DNAJC10: variants seen among roughly 807,000 people sequenced by gnomAD.
The protein encoded by DNAJC10 is endoplasmic reticulum disulfide reductase DNAJC10.
DNAJC10 carries 101 observed loss-of-function variants against 115.0 expected under a neutral mutation model. The observed-to-expected ratio is 0.88, with a 90% CI of 0.75 to 1.04. DNAJC10 has a LOEUF of 1.04. Among genes scored for constraint, DNAJC10 ranks in the 50% least tolerant of loss-of-function variants. DNAJC10 has a pLI of 0.00. For missense variants in DNAJC10, 981 were observed against 928.8 expected (o/e 1.06, Z -0.73); for synonymous variants, 307 against 301.5 (o/e 1.02, Z -0.19).
intron 22 of DNAJC10, among the ~76,000 whole-genome samples, chr2:182,764,654 GC>G (rs970649615): frequency 3.3e-5 from 5 of 152,048 alleles, no homozygotes; most frequent in African/African-American, 1.2e-4. Flanking sequence ...GGAACACCTT[GC>G]CGAAACAAAA....
In DNAJC10 at chr2:182,738,547, G is replaced by GT. The variant is rs576492819; in HGVS notation, c.988-1741dup. On this transcript the variant is annotated intron_variant, in intron 11 of 23. Transcript: ENST00000264065. ...CCCAAAAGCAGTCAGGTTTTTTTTGGTTTTTTTTTTTGAGACGGAGTCTTG... is the reference window on the plus strand; with the variant it reads ...CCCAAAAGCAGTCAGGTTTTTTTTGGTTTTTTTTTTTTGAGACGGAGTCTTG... 9.0e-3 allele frequency among the ~76,000 whole-genome samples: 1,319 copies of GT among 145,928 alleles called. 12 individuals are homozygous for GT. The highest frequency in any genetic ancestry group is 0.036 in the Middle Eastern group (10 of 278).
In DNAJC10 at chr2:182,783,726, A is replaced by G. The variant is rs1694896128; in HGVS notation, c.*6594A>G. On this transcript the variant is annotated 3_prime_UTR_variant, in exon 24 of 24. Transcript: ENST00000264065. ...TTAATGATTTTAAACATGTTTATAT[A>G]TATTTTTCAGACTTGGAACAGCAGT... 2 of 152,132 alleles carry G rather than the reference A, an allele frequency of 1.3e-5. No individual in the cohort carries two copies. The allele number at this position is 152,132 out of a possible 1,614,324, so 9.4% of individuals were successfully genotyped here. A position where few individuals can be genotyped will look rare whatever the true frequency, so the allele number is the denominator to read the frequency against.
intron 21 of DNAJC10, among the ~76,000 whole-genome samples, chr2:182,760,049 G>A (rs373424297): frequency 4.6e-5 from 7 of 152,200 alleles, no homozygotes; most frequent in East Asian, 1.9e-4. Flanking sequence ...TTCTTAATAT[G>A]CATACATTGA....
At chr2:182,729,120 T>A in intron 7 of DNAJC10, 126 bp downstream of exon 7, 1 of 925,776 alleles carries the variant, frequency 1.1e-6, no homozygotes, top group East Asian at 2.6e-5. Flanking sequence ...GCCATCTCAC[T>A]AGTCTTCTGT....
At position 182,751,579 on chromosome 2, in the gene DNAJC10, G is replaced by C. The variant is rs578195899; in HGVS notation, c.1307-79G>C. The C allele has an allele frequency of 1.3e-5, 19 of 1,448,972 alleles. 1 individual carries two copies. In the African/African-American group the frequency reaches 2.7e-4, roughly 21 times the overall value. The allele number at this position is 1,448,972 out of a possible 1,614,324, so 89.8% of individuals were successfully genotyped here. On this transcript the variant is annotated intron_variant, in intron 14 of 23. Transcript: ENST00000264065. ...CATAATTTATCTTCTTTAGTATTCT[G>C]AGTATTAAAACTTTGAAATGTCTCT...
chr2:182,720,170 G>T lies in DNAJC10; in HGVS notation c.367+1G>T, dbSNP rs1442185879. On this transcript the variant is annotated splice_donor_variant, in intron 4 of 23. Transcript: ENST00000264065. LOFTEE classifies it high-confidence loss of function. ...TGGAACTATTATCGTTATGATTTTGGTAAGGTGATACGATATTACTTATGA... is the reference window on the plus strand; with the variant it reads ...TGGAACTATTATCGTTATGATTTTGTTAAGGTGATACGATATTACTTATGA... 7 of 1,604,238 alleles carry T rather than the reference G, an allele frequency of 4.4e-6. No individual in the cohort carries two copies. Among genetic ancestry groups the T allele is most frequent in the Non-Finnish European group, 6.0e-6 (7 of 1,176,110 alleles).
At chr2:182,752,216 A>G in intron 16 of DNAJC10, 28 bp downstream of exon 16, 1 of 1,207,298 alleles carries the variant, frequency 8.3e-7, no homozygotes, top group Non-Finnish European at 1.1e-6. Context: ...AAATTATTCT[A>G]ATTAATTTTA....
At position 182,779,015 on chromosome 2, in the gene DNAJC10, G is replaced by GTACT. The variant is rs1173804044; in HGVS notation, c.*1887_*1890dup. ...ACTGTTTTGTCATTGAGCTCATAAGGTACTTACATTACTACCTATAAATGT... is the reference window on the plus strand; with the variant it reads ...ACTGTTTTGTCATTGAGCTCATAAGGTACTTACTTACATTACTACCTATAAATGT... On this transcript the variant is annotated 3_prime_UTR_variant, in exon 24 of 24. Coordinates refer to ENST00000264065, the MANE Select transcript of DNAJC10 (RefSeq NM_018981.4). 1.3e-5 allele frequency: 2 copies of GTACT among 151,590 alleles called. No homozygotes were observed. Among genetic ancestry groups the GTACT allele is most frequent in the Admixed American group, 6.6e-5 (1 of 15,264 alleles). The allele number at this position is 151,590 out of a possible 1,614,324, so 9.4% of individuals were successfully genotyped here.
intron 22 of DNAJC10, among the ~76,000 whole-genome samples, chr2:182,771,989 A>T (rs938963958): frequency 3.3e-5 from 5 of 152,128 alleles, no homozygotes; most frequent in African/African-American, 1.2e-4. Flanking sequence ...ACACTGCTTT[A>T]GCTGTGTCCC....
chr2:182,722,432 A>C (rs946080359), intron 5 of DNAJC10, among the ~76,000 whole-genome samples: 1 of 152,180 alleles, frequency 6.6e-6, no homozygotes, highest in Non-Finnish European at 1.5e-5. Context: ...AGTAGATTTA[A>C]TTTGATTGGC....
intron 22 of DNAJC10, 100 bp from the exon 23 acceptor site, chr2:182,775,216 G>A: frequency 2.6e-6 from 2 of 763,830 alleles, no homozygotes; most frequent in South Asian, 1.9e-5. Flanking sequence ...TTCAAGTTTT[G>A]GAACAAAAGA....
At chr2:182,719,840 T>G (rs1693102414) in intron 3 of DNAJC10, among the ~76,000 whole-genome samples, 167 bp from the exon 4 acceptor site, 1 of 122,444 alleles carries the variant, frequency 8.2e-6, no homozygotes, top group African/African-American at 3.1e-5. Flanking sequence ...TCTTAAAAAA[T>G]ACTTCATTTC....
intron 5 of DNAJC10, among the ~76,000 whole-genome samples, chr2:182,725,622 T>C (rs1308639290): frequency 6.6e-6 from 1 of 152,156 alleles, no homozygotes; most frequent in East Asian, 1.9e-4. Context: ...CTTTTCAATT[T>C]TATGGAGGCT....
chr2:182,734,087 A>ATTT (rs56088505), intron 10 of DNAJC10, among the ~76,000 whole-genome samples: 1 of 142,726 alleles, frequency 7.0e-6, no homozygotes, highest in African/African-American at 2.5e-5. Flanking sequence ...AGCTTTATTG[A>ATTT]TTTTTTTTTT....
intron 14 of DNAJC10, among the ~76,000 whole-genome samples, chr2:182,747,067 T>C (rs1010707350): frequency 2.6e-5 from 4 of 152,212 alleles, no homozygotes; most frequent in African/African-American, 9.6e-5. Flanking sequence ...TTCTGAGGGC[T>C]GTGTTCTGTT....
chr2:182,769,484 T>C (rs1039098660), intron 22 of DNAJC10, among the ~76,000 whole-genome samples: 1 of 152,122 alleles, frequency 6.6e-6, no homozygotes, highest in South Asian at 2.1e-4. Context: ...CTCTCCAGCA[T>C]CTGTTGTTTC....
chr2:182,776,476 A>C (rs980826463), intron 23 of DNAJC10, among the ~76,000 whole-genome samples: 2 of 152,214 alleles, frequency 1.3e-5, no homozygotes, highest in Non-Finnish European at 1.5e-5. Flanking sequence ...AATGGAATTT[A>C]ATACAATCAC....
chr2:182,728,500 CAA>C, intron 5 of DNAJC10, 74 bp from the exon 6 acceptor site: 2 of 1,049,504 alleles, frequency 1.9e-6, no homozygotes, highest in South Asian at 3.1e-5. Context: ...CTGATCTCCA[CAA>C]AAAGTTTTTA....
In DNAJC10 at chr2:182,793,362, T is replaced by G. The variant is rs1695086510; in HGVS notation, c.*16230T>G. ...CTTCAACTTCTACTCACAGTGAAAT[T>G]GTGAAATTCCAGAACCAAAAAGAAG... On this transcript the variant is annotated 3_prime_UTR_variant, in exon 24 of 24. Transcript: ENST00000264065. 2 of 152,150 alleles carry G rather than the reference T, an allele frequency of 1.3e-5. No homozygotes were observed. Among genetic ancestry groups the G allele is most frequent in the South Asian group, 4.1e-4 (2 of 4,824 alleles). The allele number at this position is 152,150 out of a possible 1,614,324, so 9.4% of individuals were successfully genotyped here.
Sources: allele counts gnomAD v4.1 joint callset (sites outside exome capture counted in the v4.1 genomes callset), GRCh38; gene constraint gnomAD v4.1.1; transcripts MANE v1.5; gene names NCBI Gene and HGNC (gene_info 2026-07-23, HGNC 2026-07-21).